SPATA31F1: variants seen among roughly 807,000 people sequenced by gnomAD.
The protein encoded by SPATA31F1 is protein SPATA31F1.
At chr9:34,723,152 G>A in the SPATA31F1 span, 1 of 1,460,978 alleles carries the variant, frequency 6.8e-7, no homozygotes, top group African/African-American at 1.4e-5. Context: ...AGCAGTTGGG[G>A]AGCCTATAAA....
chr9:34,723,261 A>C, the SPATA31F1 span: 41 of 1,551,698 alleles, frequency 2.6e-5, no homozygotes, highest in East Asian at 8.6e-4. Flanking sequence ...TTGTTGGCAC[A>C]AGCCTCTCGA....
the SPATA31F1 span, chr9:34,728,657 T>G: frequency 6.4e-7 from 1 of 1,551,510 alleles, no homozygotes. Context: ...TGGTGACACT[T>G]AGAAGACAAA....
the SPATA31F1 span, chr9:34,724,132 C>G: frequency 6.5e-7 from 1 of 1,544,482 alleles, no homozygotes; most frequent in Non-Finnish European, 8.7e-7. Flanking sequence ...GGGCTGGGTC[C>G]TTGCTCTTGC....
At chr9:34,728,653 C>T in the SPATA31F1 span, 1 of 1,551,496 alleles carries the variant, frequency 6.4e-7, no homozygotes, top group Admixed American at 2.0e-5. Context: ...TTTTTGGTGA[C>T]ACTTAGAAGA....
chr9:34,728,746 C>A, the SPATA31F1 span: 1 of 1,172,712 alleles, frequency 8.5e-7, no homozygotes, highest in South Asian at 1.3e-5. Context: ...ATTTTTCACT[C>A]GCTTTGTATA....
chr9:34,723,453 T>C, the SPATA31F1 span: 1 of 1,551,672 alleles, frequency 6.4e-7, no homozygotes, highest in Non-Finnish European at 8.7e-7. Flanking sequence ...GTCTTACTTC[T>C]CCCCACAGGG....
chr9:34,728,167 C>A, the SPATA31F1 span: 1 of 1,256,858 alleles, frequency 8.0e-7, no homozygotes, highest in Non-Finnish European at 1.1e-6. Context: ...GCCTTTGACT[C>A]TCATCAAGAA....
the SPATA31F1 span, chr9:34,726,798 A>G: frequency 1.9e-6 from 3 of 1,551,628 alleles, no homozygotes; most frequent in African/African-American, 4.1e-5. Context: ...TGATCTAAAG[A>G]CATACTAGAC....
the SPATA31F1 span, chr9:34,723,652 CATCACCAGCCCATGCAA>C: frequency 6.4e-7 from 1 of 1,551,650 alleles, no homozygotes; most frequent in Non-Finnish European, 8.7e-7. Context: ...CATGGACTGG[CATCACCAGCCCATGCAA>C]AACTTGGCCT....
At chr9:34,723,407 C>T in the SPATA31F1 span, 56 of 1,551,584 alleles carry the variant, frequency 3.6e-5, no homozygotes, top group Non-Finnish European at 4.4e-5. Flanking sequence ...CTGAGCAGGA[C>T]GAGATTGGGC....
chr9:34,725,781 A>G, the SPATA31F1 span: 1 of 1,548,546 alleles, frequency 6.5e-7, no homozygotes, highest in African/African-American at 1.4e-5. Context: ...GGTGGGGCTG[A>G]CTGGGGTGAA....
At chr9:34,725,756 G>A in the SPATA31F1 span, 14 of 1,549,728 alleles carry the variant, frequency 9.0e-6, no homozygotes, top group Non-Finnish European at 1.0e-5. Flanking sequence ...CCAGTTTGGG[G>A]AAAGTGGGGA....
At chr9:34,726,983 C>T in the SPATA31F1 span, 1 of 1,545,328 alleles carries the variant, frequency 6.5e-7, no homozygotes, top group Non-Finnish European at 8.8e-7. Context: ...AGGAAGCCAG[C>T]CCTGGCTAGG....
chr9:34,727,746 G>C, the SPATA31F1 span, among the ~76,000 whole-genome samples: 1 of 152,196 alleles, frequency 6.6e-6, no homozygotes, highest in Non-Finnish European at 1.5e-5. Flanking sequence ...GCTGAGTGCA[G>C]CTCCATGTAA....
At chr9:34,727,318 G>A in the SPATA31F1 span, among the ~76,000 whole-genome samples, 1 of 152,196 alleles carries the variant, frequency 6.6e-6, no homozygotes, top group African/African-American at 2.4e-5. Context: ...TTAGCTGATG[G>A]GGCATCACCA....
the SPATA31F1 span, chr9:34,723,919 A>G: frequency 2.9e-5 from 45 of 1,551,386 alleles, no homozygotes; most frequent in Non-Finnish European, 3.8e-5. Flanking sequence ...GTTGACAGGG[A>G]TCAGCAAGAT....
chr9:34,724,433 T>A, the SPATA31F1 span: 1 of 1,551,242 alleles, frequency 6.4e-7, no homozygotes. Context: ...TGTCTCCCCT[T>A]GGTGGTTTAG....
At chr9:34,723,751 G>A in the SPATA31F1 span, 116 of 1,551,700 alleles carry the variant, frequency 7.5e-5, no homozygotes, top group South Asian at 1.3e-3. Context: ...GTGAAGCCTG[G>A]GGCAACACAG....
the SPATA31F1 span, chr9:34,727,972 C>A: frequency 1.3e-6 from 2 of 1,522,490 alleles, no homozygotes; most frequent in South Asian, 2.4e-5. Context: ...GCCAAGAAAT[C>A]ATCATAGGCC....
Sources: gnomAD v4.1 joint callset for allele counts (sites outside exome capture counted in the v4.1 genomes callset) on GRCh38, gnomAD v4.1.1 for gene constraint, MANE v1.5 for transcripts, NCBI Gene and HGNC (gene_info 2026-07-23, HGNC 2026-07-21) for gene names.